The following HAUS6 variants were observed in gnomAD, a reference collection of about 807,000 sequenced individuals.
HAUS6 encodes the protein HAUS augmin like complex subunit 6.
HAUS6 carries 80 observed loss-of-function variants against 106.8 expected under a neutral mutation model. That is an observed-to-expected ratio of 0.75 (90% confidence interval 0.63 to 0.90). The LOEUF is 0.90. Among genes scored for constraint, HAUS6 ranks in the 40% least tolerant of loss-of-function variants. HAUS6 has a pLI of 0.00. For synonymous variants in HAUS6, 356 were observed against 379.1 expected (o/e 0.94, Z 0.71); for missense variants, 1,155 against 1,118.1 (o/e 1.03, Z -0.47).
intron 1 of HAUS6, among the ~76,000 whole-genome samples, chr9:19,100,303 C>T (rs898033006): frequency 1.3e-5 from 2 of 152,156 alleles, no homozygotes; most frequent in African/African-American, 4.8e-5. Flanking sequence ...GAGATGGAGG[C>T]TGCAGTGAGC....
intron 12 of HAUS6, among the ~76,000 whole-genome samples, chr9:19,065,564 G>T (rs1055183436): frequency 2.0e-5 from 3 of 152,192 alleles, no homozygotes; most frequent in Non-Finnish European, 4.4e-5. Flanking sequence ...TTTTGGGCTG[G>T]GCGCGGTGGC....
intron 16 of HAUS6, 48 bp from the exon 17 acceptor site, chr9:19,056,452 TAAAC>T (rs749927397): frequency 7.7e-6 from 8 of 1,034,944 alleles, no homozygotes; most frequent in Non-Finnish European, 1.1e-5. Flanking sequence ...CAAAGAAAAA[TAAAC>T]AATAGATTCC....
At chr9:19,078,353 TG>T in intron 9 of HAUS6, 51 bp from the exon 10 acceptor site, 1 of 1,086,778 alleles carries the variant, frequency 9.2e-7, no homozygotes, top group Non-Finnish European at 1.4e-6. Context: ...AAAAAAGCAC[TG>T]AGTAAAATTT....
intron 5 of HAUS6, among the ~76,000 whole-genome samples, chr9:19,088,588 C>A (rs7037156): frequency 0.12 from 17,416 of 151,224 alleles, 1,073 homozygotes; most frequent in Admixed American, 0.14. Context: ...CTAAAGTGGG[C>A]CGGGCACAGT....
In HAUS6 at chr9:19,058,348, T is replaced by G. The variant is rs1398613680; in HGVS notation, c.2419A>C (p.Met807Leu). ...ANFKLEPNSP[M>L]HGGTLLEDVV... is the part of the protein sequence containing the mutation. ...TCTTCTAGAAGAGTGCCACCATGCA[T>G]AGGACTATTTGGCTCCAGTTTAAAA... The change falls in exon 16 of 17, where the codon ATG becomes CTG. Residue 807 changes from methionine to leucine, a missense_variant. Physicochemically the swap from Met to Leu is conservative, Grantham distance 15. Coordinates refer to ENST00000380502, the MANE Select transcript of HAUS6 (RefSeq NM_017645.5). 9.9e-6 allele frequency: 16 copies of G among 1,613,794 alleles called. No homozygotes were observed. Among genetic ancestry groups the G allele is most frequent in the African/African-American group, 4.0e-5 (3 of 74,924 alleles).
intron 2 of HAUS6, among the ~76,000 whole-genome samples, chr9:19,095,493 T>G (rs1164528348): frequency 7.0e-6 from 1 of 143,684 alleles, no homozygotes; most frequent in Non-Finnish European, 1.5e-5. Context: ...AGCCATAATG[T>G]TGATAATCAG....
intron 12 of HAUS6, among the ~76,000 whole-genome samples, chr9:19,068,440 T>C (rs112205978): frequency 1.3e-5 from 2 of 151,960 alleles, no homozygotes; most frequent in African/African-American, 2.4e-5. Flanking sequence ...CAAATCCAGA[T>C]AGACTAAAAT....
At chr9:19,091,627 C>G (rs199787551) in intron 4 of HAUS6, among the ~76,000 whole-genome samples, 1 of 152,024 alleles carries the variant, frequency 6.6e-6, no homozygotes, top group African/African-American at 2.4e-5. Flanking sequence ...CAAAACCAGC[C>G]TGGGCAACAT....
rs1440047479 is a variant in HAUS6 at position 19,058,924 on chromosome 9, C to T, written c.1843G>A (p.Ala615Thr). 1.9e-6 allele frequency: 3 copies of T among 1,591,848 alleles called. No individual in the cohort carries two copies. Among genetic ancestry groups the T allele is most frequent in the Admixed American group, 3.3e-5 (2 of 59,976 alleles). Residue 615 changes from alanine to threonine, a missense_variant, in exon 16 of 17, where the codon GCT becomes ACT. Coordinates refer to ENST00000380502, the MANE Select transcript of HAUS6 (RefSeq NM_017645.5). ...NRTKEPIQMD[A>T]EHREVLPESL... ...TCTGGCAATACTTCTCTATGTTCAG[C>T]ATCCATTTGAATTGGTTCTTTAGTT... is the stretch of plus-strand genomic sequence containing the variant.
chr9:19,093,316 GAAAT>G lies in HAUS6; in HGVS notation c.304-17_304-14del. 5.0e-6 allele frequency: 8 copies of G among 1,587,142 alleles called. No individual in the cohort carries two copies. The highest frequency in any genetic ancestry group is 6.9e-6 in the Non-Finnish European group (8 of 1,166,790). ...TTCCACATTCACCCTATGAAGAAAA[GAAAT>G]AAGATGATTTGAAGACCTTGTTAAC... On this transcript the variant is annotated splice_polypyrimidine_tract_variant and intron_variant, in intron 3 of 16. Transcript: ENST00000380502.
At chr9:19,071,573 CTTTTTTT>C (rs34684530) in intron 11 of HAUS6, among the ~76,000 whole-genome samples, 13 of 109,384 alleles carry the variant, frequency 1.2e-4, no homozygotes, top group African/African-American at 3.3e-4. Context: ...AAAATATTTT[CTTTTTTT>C]TTTTTTTTTT....
chr9:19,082,449 C>G (rs542806125), intron 8 of HAUS6, among the ~76,000 whole-genome samples: 1 of 152,118 alleles, frequency 6.6e-6, no homozygotes, highest in Non-Finnish European at 1.5e-5. Flanking sequence ...ACTAAACACA[C>G]TCATAGAAAT....
chr9:19,073,658 A>G (rs1836926239), intron 11 of HAUS6, among the ~76,000 whole-genome samples: 1 of 151,232 alleles, frequency 6.6e-6, no homozygotes, highest in African/African-American at 2.4e-5. Flanking sequence ...AAAAAAAAAG[A>G]GAGAAATAAT....
At chr9:19,086,486 G>A (rs552255797) in intron 7 of HAUS6, among the ~76,000 whole-genome samples, 90 of 152,156 alleles carry the variant, frequency 5.9e-4, no homozygotes, top group South Asian at 4.8e-3. Context: ...CAGGCGTGGT[G>A]GCGCATGCTT....
chr9:19,098,705 G>C (rs994931127), intron 1 of HAUS6, among the ~76,000 whole-genome samples: 2 of 145,228 alleles, frequency 1.4e-5, no homozygotes, highest in East Asian at 4.0e-4. Flanking sequence ...ATGGATTGTT[G>C]AGTCATACAT....
chr9:19,098,859 C>G (rs1817921079), intron 1 of HAUS6, among the ~76,000 whole-genome samples: 1 of 151,888 alleles, frequency 6.6e-6, no homozygotes. Context: ...CCCGTCTCTA[C>G]TAAAAATACA....
At chr9:19,086,672 G>C in intron 7 of HAUS6, 62 bp downstream of exon 7, 1 of 732,282 alleles carries the variant, frequency 1.4e-6, no homozygotes, top group Non-Finnish European at 2.4e-6. Context: ...CACTAATTAA[G>C]CAAACACTGC....
chr9:19,078,515 C>T (rs899603929), intron 9 of HAUS6, among the ~76,000 whole-genome samples: 1 of 152,074 alleles, frequency 6.6e-6, no homozygotes, highest in African/African-American at 2.4e-5. Flanking sequence ...AGGCCGGGGG[C>T]AGTGTCTCAT....
At chr9:19,056,982 T>C (rs182201958) in intron 16 of HAUS6, 1 of 152,374 alleles carries the variant, frequency 6.6e-6, no homozygotes, top group Non-Finnish European at 1.5e-5. Context: ...GATCCTTATC[T>C]CTCTTAATGA....
Sources: allele counts gnomAD v4.1 joint callset (sites outside exome capture counted in the v4.1 genomes callset), GRCh38; gene constraint gnomAD v4.1.1; transcripts MANE v1.5; gene names NCBI Gene and HGNC (gene_info 2026-07-23, HGNC 2026-07-21).